The following SPIDR variants were observed in gnomAD, a reference collection of about 807,000 sequenced individuals.
SPIDR encodes the protein DNA repair-scaffolding protein.
In SPIDR, 93 loss-of-function variants were observed where a neutral mutation model predicts 104.6. The observed-to-expected ratio is 0.89, with a 90% CI of 0.75 to 1.06. The LOEUF is 1.06. SPIDR is among the 50% of genes least tolerant of loss of function. The pLI is 0.00. For missense variants in SPIDR, 1,154 were observed against 1,111.2 expected (o/e 1.04, Z -0.55); for synonymous variants, 431 against 416.9 (o/e 1.03, Z -0.41).
rs138504086 is a variant in SPIDR, at chr8:47,489,292, C to G, written c.1097+48750C>G. ...ATAAAATACCTGGGAATCCAACTTA[C>G]AAGGGATGTGAAGGACCTCTTCAAG... On this transcript the variant is annotated intron_variant, in intron 8 of 19. Coordinates refer to ENST00000297423, the MANE Select transcript of SPIDR (RefSeq NM_001080394.4). 8.1e-4 allele frequency among the ~76,000 whole-genome samples: 123 copies of G among 152,266 alleles called. No homozygotes were observed. In the East Asian group the frequency reaches 0.022, roughly 27 times the overall value.
chr8:47,266,696 A>T (rs1303397009), intron 1 of SPIDR, among the ~76,000 whole-genome samples: 8 of 152,222 alleles, frequency 5.3e-5, no homozygotes, highest in African/African-American at 1.9e-4. Context: ...AACTTTTCCA[A>T]AGTGGTTATA....
chr8:47,639,088 A>C (rs556193212), intron 10 of SPIDR, among the ~76,000 whole-genome samples: 2 of 152,344 alleles, frequency 1.3e-5, no homozygotes, highest in South Asian at 4.1e-4. Flanking sequence ...AAATAGTAAA[A>C]GCTTTCTTTT....
intron 11 of SPIDR, among the ~76,000 whole-genome samples, chr8:47,680,222 A>T (rs984256329): frequency 6.6e-6 from 1 of 152,222 alleles, no homozygotes; most frequent in African/African-American, 2.4e-5. Context: ...CAGGAAAAAA[A>T]GTTGTATGCA....
At chr8:47,717,509 C>T (rs1292355850) in intron 16 of SPIDR, among the ~76,000 whole-genome samples, 3 of 152,232 alleles carry the variant, frequency 2.0e-5, no homozygotes, top group Admixed American at 6.5e-5. Flanking sequence ...TTCCTAACTA[C>T]GGCCAATGAG....
intron 10 of SPIDR, among the ~76,000 whole-genome samples, chr8:47,657,677 C>CT (rs2154460524): frequency 6.6e-6 from 1 of 152,110 alleles, no homozygotes; most frequent in East Asian, 1.9e-4. Flanking sequence ...GGGGTTCTCT[C>CT]TGTGGTATTT....
At chr8:47,552,706 C>G (rs1236829864) in intron 8 of SPIDR, among the ~76,000 whole-genome samples, 1 of 151,090 alleles carries the variant, frequency 6.6e-6, no homozygotes, top group Non-Finnish European at 1.5e-5. Context: ...TGTCTTGACT[C>G]TTTATCCAAT....
chr8:47,487,754 T>C (rs986524202), intron 8 of SPIDR, among the ~76,000 whole-genome samples: 2 of 152,158 alleles, frequency 1.3e-5, no homozygotes, highest in South Asian at 2.1e-4. Flanking sequence ...CCTGAATGAC[T>C]ACTGGGTACA....
intron 10 of SPIDR, among the ~76,000 whole-genome samples, chr8:47,639,597 C>T (rs1046612427): frequency 6.6e-6 from 1 of 152,200 alleles, no homozygotes; most frequent in Non-Finnish European, 1.5e-5. Context: ...TCATATTCGA[C>T]TACATATTGA....
At chr8:47,632,386 C>T (rs1383286801) in intron 10 of SPIDR, among the ~76,000 whole-genome samples, 3 of 152,084 alleles carry the variant, frequency 2.0e-5, no homozygotes, top group African/African-American at 4.8e-5. Context: ...GCACTCACAG[C>T]CCATCTTGTG....
intron 7 of SPIDR, among the ~76,000 whole-genome samples, chr8:47,432,791 A>G (rs2067588935): frequency 6.6e-6 from 1 of 152,188 alleles, no homozygotes; most frequent in African/African-American, 2.4e-5. Context: ...GTAACAGGTA[A>G]CAAAGGACTT....
At chr8:47,418,053 A>T (rs1469879420) in intron 7 of SPIDR, among the ~76,000 whole-genome samples, 1 of 152,192 alleles carries the variant, frequency 6.6e-6, no homozygotes, top group Non-Finnish European at 1.5e-5. Flanking sequence ...GAAGTCAGGT[A>T]GCGTGATGCC....
chr8:47,601,854 T>C (rs1171791873), intron 10 of SPIDR, among the ~76,000 whole-genome samples: 1 of 152,214 alleles, frequency 6.6e-6, no homozygotes, highest in African/African-American at 2.4e-5. Context: ...GCCGTAGTGC[T>C]AGCCTTGAGT....
At chr8:47,536,015 G>A (rs11998292) in intron 8 of SPIDR, among the ~76,000 whole-genome samples, 3,503 of 151,972 alleles carry the variant, frequency 0.023, 126 homozygotes, top group African/African-American at 0.079. Flanking sequence ...TTATATACTA[G>A]CAATGAACAA....
chr8:47,413,134 C>A (rs1191091079), intron 7 of SPIDR, among the ~76,000 whole-genome samples: 2 of 152,198 alleles, frequency 1.3e-5, no homozygotes, highest in African/African-American at 4.8e-5. Flanking sequence ...GGTGAACTAT[C>A]AGATGGAAAA....
intron 8 of SPIDR, among the ~76,000 whole-genome samples, chr8:47,483,341 A>C (rs782707002): frequency 2.0e-5 from 3 of 152,212 alleles, no homozygotes; most frequent in Non-Finnish European, 4.4e-5. Flanking sequence ...CCAGGCAAAA[A>C]GAATTAATAG....
intron 8 of SPIDR, among the ~76,000 whole-genome samples, chr8:47,489,827 C>T (rs1477173303): frequency 5.3e-5 from 8 of 152,154 alleles, no homozygotes; most frequent in African/African-American, 1.9e-4. Flanking sequence ...GGATCCCTTC[C>T]TTACACCTTA....
At chr8:47,315,979 C>G (rs894527785) in intron 5 of SPIDR, among the ~76,000 whole-genome samples, 5 of 152,140 alleles carry the variant, frequency 3.3e-5, no homozygotes, top group Non-Finnish European at 7.4e-5. Flanking sequence ...AAAGAAAACA[C>G]CTAACACTCT....
intron 10 of SPIDR, among the ~76,000 whole-genome samples, chr8:47,670,702 G>C (rs1349803609): frequency 6.6e-6 from 1 of 152,076 alleles, no homozygotes; most frequent in Non-Finnish European, 1.5e-5. Flanking sequence ...GAGGACTTGG[G>C]AACATTTGAG....
intron 10 of SPIDR, among the ~76,000 whole-genome samples, chr8:47,666,280 A>G (rs949670392): frequency 4.7e-4 from 72 of 152,336 alleles, no homozygotes; most frequent in African/African-American, 1.6e-3. Context: ...TGGCTACCAC[A>G]TTAGACAACA....
Sources: gnomAD v4.1 joint callset for allele counts (sites outside exome capture counted in the v4.1 genomes callset) on GRCh38, gnomAD v4.1.1 for gene constraint, MANE v1.5 for transcripts, NCBI Gene and HGNC (gene_info 2026-07-23, HGNC 2026-07-21) for gene names.